Variants in DRC11 observed in about 807,000 individuals in gnomAD.
The protein encoded by DRC11 is dynein regulatory complex subunit 11, also known as IQ and AAA domain-containing protein 1.
chr2:236,460,691 C>T, the DRC11 span, among the ~76,000 whole-genome samples: 2 of 152,136 alleles, frequency 1.3e-5, no homozygotes, highest in Non-Finnish European at 2.9e-5. This position sits in a 1 kb window ranked among gnomAD's most constrained non-coding sequence, Gnocchi z 4.0. Context: ...CTAGAAGTAG[C>T]CATGCTGACA....
chr2:236,506,389 G>A, the DRC11 span, among the ~76,000 whole-genome samples: 44 of 152,288 alleles, frequency 2.9e-4, no homozygotes, highest in African/African-American at 9.6e-4. This position sits in a 1 kb window ranked among gnomAD's most constrained non-coding sequence, Gnocchi z 4.9. Flanking sequence ...TCATCTCCAC[G>A]TGATGTCCAA....
At chr2:236,493,310 T>C in the DRC11 span, among the ~76,000 whole-genome samples, 2 of 152,284 alleles carry the variant, frequency 1.3e-5, no homozygotes, top group African/African-American at 4.8e-5. Flanking sequence ...CAGTTCAAGA[T>C]GAGATTTGGG....
the DRC11 span, among the ~76,000 whole-genome samples, chr2:236,464,923 T>C: frequency 6.6e-6 from 1 of 152,156 alleles, no homozygotes; most frequent in Non-Finnish European, 1.5e-5. Flanking sequence ...GAGTTAAAGC[T>C]CCCTGAGGCA....
At chr2:236,353,570 G>T in the DRC11 span, among the ~76,000 whole-genome samples, 1 of 152,178 alleles carries the variant, frequency 6.6e-6, no homozygotes, top group South Asian at 2.1e-4. This position sits in a 1 kb window ranked among gnomAD's most constrained non-coding sequence, Gnocchi z 5.0. Context: ...ATCCTATTTT[G>T]CTTGCCAAGG....
chr2:236,502,807 T>G, the DRC11 span, among the ~76,000 whole-genome samples: 7 of 151,574 alleles, frequency 4.6e-5, no homozygotes, highest in African/African-American at 1.7e-4. Context: ...TCACAAAAAT[T>G]AGCCGGGTGT....
the DRC11 span, among the ~76,000 whole-genome samples, chr2:236,314,221 T>A: frequency 6.6e-6 from 1 of 152,128 alleles, no homozygotes; most frequent in African/African-American, 2.4e-5. The surrounding 1 kb of genome is among the most constrained non-coding windows in gnomAD (Gnocchi z 4.5). Context: ...AATCCTTCAA[T>A]AAAATCAACA....
the DRC11 span, chr2:236,344,544 A>G: frequency 3.7e-6 from 6 of 1,602,012 alleles, no homozygotes; most frequent in Non-Finnish European, 5.1e-6. Context: ...GTAAGGCATG[A>G]GAAAGTCCTC....
the DRC11 span, among the ~76,000 whole-genome samples, chr2:236,356,631 C>T: frequency 2.6e-5 from 4 of 152,066 alleles, no homozygotes; most frequent in African/African-American, 9.7e-5. Flanking sequence ...TAATTCCTAC[C>T]TCATCAGAGC....
At chr2:236,491,144 AT>A in the DRC11 span, among the ~76,000 whole-genome samples, 1 of 78,464 alleles carries the variant, frequency 1.3e-5, no homozygotes, top group Non-Finnish European at 2.6e-5. Flanking sequence ...TATATACAGT[AT>A]ATATATACAC....
chr2:236,344,484 T>G, the DRC11 span: 1 of 1,000,710 alleles, frequency 1.0e-6, no homozygotes. Flanking sequence ...TCTCAAAAAG[T>G]AGAGGTAGGC....
the DRC11 span, among the ~76,000 whole-genome samples, chr2:236,371,193 T>C: frequency 1.4e-4 from 22 of 152,116 alleles, no homozygotes; most frequent in South Asian, 2.9e-3. This position sits in a 1 kb window ranked among gnomAD's most constrained non-coding sequence, Gnocchi z 5.1. Flanking sequence ...TCTCATCTTC[T>C]AGAAGCAGGA....
chr2:236,432,393 G>A, the DRC11 span, among the ~76,000 whole-genome samples: 1 of 151,988 alleles, frequency 6.6e-6, no homozygotes, highest in African/African-American at 2.4e-5. Context: ...TTTCTTAATG[G>A]TATCTTTTGA....
chr2:236,358,554 G>A, the DRC11 span, among the ~76,000 whole-genome samples: 12 of 144,536 alleles, frequency 8.3e-5, no homozygotes, highest in South Asian at 2.2e-4. Flanking sequence ...TACCACCCCC[G>A]CCACCCCCCA....
chr2:236,494,414 A>G, the DRC11 span, among the ~76,000 whole-genome samples: 1 of 152,198 alleles, frequency 6.6e-6, no homozygotes, highest in African/African-American at 2.4e-5. The surrounding 1 kb of genome is among the most constrained non-coding windows in gnomAD (Gnocchi z 4.2). Context: ...TTGTTTTTAT[A>G]TAATAAACTT....
the DRC11 span, among the ~76,000 whole-genome samples, chr2:236,476,255 T>C: frequency 6.6e-6 from 1 of 152,194 alleles, no homozygotes; most frequent in East Asian, 1.9e-4. The surrounding 1 kb of genome is among the most constrained non-coding windows in gnomAD (Gnocchi z 4.7). Context: ...CAGTGTTTTA[T>C]AGTTTTCCTT....
chr2:236,428,319 T>C, the DRC11 span, among the ~76,000 whole-genome samples: 2 of 152,194 alleles, frequency 1.3e-5, no homozygotes, highest in African/African-American at 2.4e-5. Context: ...CTGTTCATTG[T>C]TGAAAGTAAG....
At chr2:236,383,075 C>A in the DRC11 span, among the ~76,000 whole-genome samples, 11 of 152,034 alleles carry the variant, frequency 7.2e-5, no homozygotes, top group Non-Finnish European at 1.3e-4. Context: ...CCCTAATATC[C>A]TTTTGTTTTC....
chr2:236,418,275 C>T, the DRC11 span, among the ~76,000 whole-genome samples: 13 of 152,126 alleles, frequency 8.5e-5, no homozygotes, highest in South Asian at 2.1e-4. Flanking sequence ...TTCTAATTGG[C>T]GTGAGATAGT....
the DRC11 span, among the ~76,000 whole-genome samples, chr2:236,358,064 G>A: frequency 1.7e-5 from 2 of 115,736 alleles, no homozygotes; most frequent in South Asian, 2.7e-4. Context: ...TATATTATAT[G>A]AATATATATT....
Sources: allele counts gnomAD v4.1 joint callset (sites outside exome capture counted in the v4.1 genomes callset), GRCh38; gene constraint gnomAD v4.1.1; non-coding constraint Gnocchi (gnomAD v3.1); transcripts MANE v1.5; gene names NCBI Gene and HGNC (gene_info 2026-07-23, HGNC 2026-07-21).